RGSL1: variants seen among roughly 807,000 people sequenced by gnomAD.
RGSL1 encodes regulator of G protein signaling like 1, also known as regulator of G protein signaling protein-like.
Under a neutral mutation model 124.7 loss-of-function variants are expected in RGSL1, and 97 were observed. That is an observed-to-expected ratio of 0.78 (90% CI 0.66 to 0.92). The LOEUF is 0.92. RGSL1 is among the 40% of genes least tolerant of loss of function. The probability of loss-of-function intolerance (pLI) is 0.00; values close to 1 mark genes in which losing one functional copy is unlikely to be tolerated. For synonymous variants in RGSL1, 424 were observed against 438.1 expected, an observed-to-expected ratio of 0.97 and a Z score of 0.40; for missense variants, 1,233 against 1,288.4, an observed-to-expected ratio of 0.96 and a Z score of 0.66.
At position 182,474,198 on chromosome 1, in the gene RGSL1, C is replaced by T; in HGVS notation, c.1087C>T (p.Gln363Ter). 6.4e-7 allele frequency: 1 copy of T among 1,552,032 alleles called. No homozygotes were observed. Among genetic ancestry groups the T allele is most frequent in the East Asian group, 2.4e-5 (1 of 40,922 alleles). Residue 363 changes from glutamine (Q) to a stop codon, truncating the protein, a stop_gained, in exon 6 of 22, where the codon CAA becomes TAA. Transcript: ENST00000294854. LOFTEE classifies it high-confidence loss of function. ...SKMTIQKAIKQSFSLGYIHLA... is the reference protein window; with the variant it reads ...SKMTIQKAIK ...GATGACAATTCAGAAGGCCATCAAG[C>T]AAAGCTTCTCCTTAGGATACATCCA...
rs1479116460 is a variant in RGSL1, at chr1:182,467,621, GA to G, written c.302-4774del. Among the ~76,000 whole-genome samples the G allele has an allele frequency of 2.0e-5, 3 of 152,300 alleles. No homozygotes were observed. The East Asian group carries it at 5.8e-4, about 29-fold the overall frequency. On this transcript the variant is annotated intron_variant, in intron 4 of 21. Coordinates refer to ENST00000294854, the MANE Select transcript of RGSL1 (RefSeq NM_001137669.2). ...ACACCTTATACAAAAATTAATTCAA[GA>G]TGGATTAAAGACTTAAATGTTAGAC...
At position 182,548,426 on chromosome 1, in the gene RGSL1, CT is replaced by C. The variant is rs776524207; in HGVS notation, c.2780del (p.Leu927ArgfsTer9). 58 of 1,551,572 alleles carry C rather than the reference CT, an allele frequency of 3.7e-5. No individual in the cohort carries two copies. Among genetic ancestry groups the C allele is most frequent in the Non-Finnish European group, 5.0e-5 (57 of 1,146,994 alleles). On this transcript the variant is annotated frameshift_variant, in exon 16 of 22. Coordinates refer to ENST00000294854, the MANE Select transcript of RGSL1 (RefSeq NM_001137669.2). LOFTEE classifies it high-confidence loss of function. ...AATGAACATTATCCAAAAACTCTTC[CT>C]GAATTCTGACATCCCTCCAAAGCTG... The part of the protein sequence containing the change: ...SKMNIIQKLF[L>X]NSDIPPKLRV...
rs182812188 is a variant in RGSL1, at chr1:182,467,417, G to A, written c.302-4979G>A. Among the ~76,000 whole-genome samples the A allele has an allele frequency of 1.3e-3, 201 of 152,260 alleles. 1 individual carries two copies. The highest frequency in any genetic ancestry group is 4.7e-3 in the African/African-American group (194 of 41,550). On this transcript the variant is annotated intron_variant, in intron 4 of 21. Transcript: ENST00000294854. The stretch of plus-strand genomic sequence containing the variant: ...ACAGCATGGTACTGGTACCAAAACA[G>A]AGATATAGACCAACGGAACAGAACA...
chr1:182,499,848 T>C (rs1027333342), intron 9 of RGSL1, among the ~76,000 whole-genome samples: 7 of 152,192 alleles, frequency 4.6e-5, no homozygotes, highest in African/African-American at 1.7e-4. Flanking sequence ...TAAGGACCTC[T>C]TGTAAGGCAG....
rs73057347 is a variant in RGSL1 at position 182,454,100 on chromosome 1, A to C, written c.96+60A>C. ...TCAGCAGCTGAATAGTGAATCTCAC[A>C]GAGCTGAGTGACTTTTTTTGTTTGT... On this transcript the variant is annotated intron_variant, in intron 2 of 21. Transcript: ENST00000294854. 9.7e-3 allele frequency: 9,490 copies of C among 977,268 alleles called. 516 individuals carry two copies. In the African/African-American group the frequency reaches 0.13, roughly 14 times the overall value. The allele number at this position is 977,268 out of a possible 1,614,324, so 60.5% of individuals were successfully genotyped here.
chr1:182,472,215 T>G (rs990946286), intron 4 of RGSL1, among the ~76,000 whole-genome samples, 181 bp from the exon 5 acceptor site: 2 of 152,168 alleles, frequency 1.3e-5, no homozygotes, highest in Admixed American at 1.3e-4. Flanking sequence ...CTTCTCCCCA[T>G]GCCTCCAATT....
At chr1:182,485,752 C>T (rs1655050101) in intron 6 of RGSL1, among the ~76,000 whole-genome samples, 1 of 152,126 alleles carries the variant, frequency 6.6e-6, no homozygotes, top group African/African-American at 2.4e-5. Flanking sequence ...GAGCCAAATT[C>T]GGCTTCCCAC....
At chr1:182,535,776 T>C (rs1045966849) in intron 14 of RGSL1, among the ~76,000 whole-genome samples, 2 of 152,196 alleles carry the variant, frequency 1.3e-5, no homozygotes, top group Admixed American at 1.3e-4. Context: ...TATTTTTAAA[T>C]TACTTTTTAG....
chr1:182,553,425 T>C (rs1558440670), intron 18 of RGSL1, 30 bp from the exon 19 acceptor site: 1 of 1,537,262 alleles, frequency 6.5e-7, no homozygotes, highest in Admixed American at 2.0e-5. Context: ...GTCGCAGGTG[T>C]TTTTAATGCT....
intron 9 of RGSL1, among the ~76,000 whole-genome samples, chr1:182,494,502 A>G (rs903817732): frequency 4.6e-5 from 7 of 152,204 alleles, no homozygotes; most frequent in African/African-American, 1.7e-4. Flanking sequence ...AGCTTTTTCA[A>G]TGTGACTACT....
At chr1:182,522,245 G>A in intron 10 of RGSL1, 136 bp downstream of exon 10, 1 of 656,454 alleles carries the variant, frequency 1.5e-6, no homozygotes, top group Non-Finnish European at 2.7e-6. Context: ...TACAGGTACA[G>A]ACACTCTTAG....
chr1:182,539,074 C>T (rs1035135605), intron 14 of RGSL1, among the ~76,000 whole-genome samples: 2 of 152,084 alleles, frequency 1.3e-5, no homozygotes, highest in African/African-American at 4.8e-5. Context: ...GTGAGCTACT[C>T]AACAAATGTC....
At chr1:182,456,678 G>C (rs542942329) in intron 2 of RGSL1, among the ~76,000 whole-genome samples, 1 of 152,164 alleles carries the variant, frequency 6.6e-6, no homozygotes, top group African/African-American at 2.4e-5. Flanking sequence ...TAGAAACAGA[G>C]AGTGATTGGG....
intron 14 of RGSL1, among the ~76,000 whole-genome samples, chr1:182,539,069 C>A (rs1659726948): frequency 6.6e-6 from 1 of 152,098 alleles, no homozygotes; most frequent in Non-Finnish European, 1.5e-5. Context: ...ATTTTGTGAG[C>A]TACTCAACAA....
chr1:182,474,548 C>A lies in RGSL1; in HGVS notation c.1431+6C>A. 6.5e-7 allele frequency: 1 copy of A among 1,529,108 alleles called. No homozygotes were observed. The highest frequency in any genetic ancestry group is 8.8e-7 in the Non-Finnish European group (1 of 1,135,460). 94.7% of individuals were successfully genotyped at this position (1,529,108 alleles called of 1,614,324 possible). A position where few individuals can be genotyped will look rare whatever the true frequency, so the allele number is the denominator to read the frequency against. ...CCCAGAAGGAGATTTGCAAGGTAGGCCATGCCTCACAGAAATAAGTTATAT... is the reference window on the plus strand; with the variant it reads ...CCCAGAAGGAGATTTGCAAGGTAGGACATGCCTCACAGAAATAAGTTATAT... On this transcript the variant is annotated splice_donor_region_variant and intron_variant, in intron 6 of 21. Coordinates refer to ENST00000294854, the MANE Select transcript of RGSL1 (RefSeq NM_001137669.2).
At position 182,522,171 on chromosome 1, in the gene RGSL1, A is replaced by C. The variant is rs200033949; in HGVS notation, c.1931+62A>C. On this transcript the variant is annotated intron_variant, in intron 10 of 21. Coordinates refer to ENST00000294854, the MANE Select transcript of RGSL1 (RefSeq NM_001137669.2). ...GTACATGCTTTTGAAAAACCTCAAC[A>C]TGTCTAATGGTAAACTTATCTTTCT... 4.4e-6 allele frequency: 5 copies of C among 1,126,856 alleles called. No homozygotes were observed. The South Asian group carries it at 7.0e-5, about 16-fold the overall frequency. The allele number at this position is 1,126,856 out of a possible 1,614,324, so 69.8% of individuals were successfully genotyped here.
At chr1:182,555,825 C>G in intron 20 of RGSL1, 199 bp from the exon 21 acceptor site, 2 of 592,698 alleles carry the variant, frequency 3.4e-6, no homozygotes, top group Non-Finnish European at 6.1e-6. Context: ...ACTGGAAAAG[C>G]AATGCATGGC....
At position 182,548,785 on chromosome 1, in the gene RGSL1, T is replaced by C. The variant is rs1476868341; in HGVS notation, c.2894T>C (p.Ile965Thr). ...GATCGGAGCGTCTTCCATGGGGCTA[T>C]CATGTCTGTCTTCCCCGTTGTTATG... Reference protein sequence around the residue: ...YLDRSVFHGAIMSVFPVVMYF... With the variant: ...YLDRSVFHGATMSVFPVVMYF... The change falls in exon 17 of 22, where the codon ATC becomes ACC. Residue 965 changes from isoleucine (I) to threonine (T), a missense_variant. Physicochemically the swap from Ile to Thr is moderately conservative, Grantham distance 89. Transcript: ENST00000294854. 1.3e-6 allele frequency: 2 copies of C among 1,551,698 alleles called. No individual in the cohort carries two copies. The highest frequency in any genetic ancestry group is 3.3e-4 in the Middle Eastern group (2 of 5,992).
intron 2 of RGSL1, among the ~76,000 whole-genome samples, chr1:182,454,644 AGACAGT>A (rs1193960090): frequency 6.6e-6 from 1 of 151,460 alleles, no homozygotes; most frequent in Non-Finnish European, 1.5e-5. Context: ...GTAGATTATG[AGACAGT>A]GAATTTCTGC....
Sources: gnomAD v4.1 joint callset for allele counts (sites outside exome capture counted in the v4.1 genomes callset) on GRCh38, gnomAD v4.1.1 for gene constraint, MANE v1.5 for transcripts, NCBI Gene and HGNC (gene_info 2026-07-23, HGNC 2026-07-21) for gene names.